Variants in ADARB1 observed in about 807,000 individuals in gnomAD.
The protein encoded by ADARB1 is adenosine deaminase RNA specific B1, also known as double-stranded RNA-specific editase 1.
Under a neutral mutation model 52.4 loss-of-function variants are expected in ADARB1, and 10 were observed. The observed-to-expected ratio is 0.19, with a 90% CI of 0.12 to 0.32. ADARB1 has a LOEUF of 0.32. Among genes scored for constraint, ADARB1 ranks in the 10% least tolerant of loss-of-function variants. The pLI is 1.00. For missense variants in ADARB1, 643 were observed against 922.3 expected (o/e 0.70, Z 3.92); for synonymous variants, 349 against 371.1 (o/e 0.94, Z 0.68).
At chr21:45,088,759 AG>A (rs1568996423) in intron 1 of ADARB1, among the ~76,000 whole-genome samples, 2 of 152,236 alleles carry the variant, frequency 1.3e-5, no homozygotes, top group Admixed American at 6.5e-5. Context: ...GGAGGAAGCC[AG>A]CAGACACCAC....
At chr21:45,107,165 A>T (rs184418745) in intron 1 of ADARB1, among the ~76,000 whole-genome samples, 123 of 152,366 alleles carry the variant, frequency 8.1e-4, no homozygotes, top group African/African-American at 2.8e-3. Context: ...AATAAATGTA[A>T]TGAGAACTGT....
chr21:45,108,908 C>G (rs958397437), intron 1 of ADARB1, among the ~76,000 whole-genome samples: 29 of 152,228 alleles, frequency 1.9e-4, no homozygotes, highest in Admixed American at 1.8e-3. Flanking sequence ...GATTGCAGCC[C>G]AGGCCAAGCC....
At chr21:45,101,261 G>T (rs1473857882) in intron 1 of ADARB1, among the ~76,000 whole-genome samples, 1 of 152,130 alleles carries the variant, frequency 6.6e-6, no homozygotes. Flanking sequence ...CTGGCTCTGC[G>T]CTCACGTGCT....
At chr21:45,195,454 A>ATGT (rs1214217284) in intron 8 of ADARB1, among the ~76,000 whole-genome samples, 12 of 152,104 alleles carry the variant, frequency 7.9e-5, no homozygotes, top group Admixed American at 7.9e-4. Flanking sequence ...TGTGCCTTTG[A>ATGT]TGTTACATCT....
At chr21:45,136,466 G>C (rs1055967625) in intron 2 of ADARB1, among the ~76,000 whole-genome samples, 1 of 152,248 alleles carries the variant, frequency 6.6e-6, no homozygotes, top group Non-Finnish European at 1.5e-5. Flanking sequence ...TTGTGAAGTG[G>C]GCTGTGGAGT....
At chr21:45,091,443 A>G (rs1275477212) in intron 1 of ADARB1, among the ~76,000 whole-genome samples, 5 of 152,216 alleles carry the variant, frequency 3.3e-5, no homozygotes, top group African/African-American at 9.7e-5. Context: ...GTTTGGTGAA[A>G]TGGCACTTTT....
chr21:45,205,886 G>A (rs1468242328), intron 9 of ADARB1, among the ~76,000 whole-genome samples: 2 of 152,140 alleles, frequency 1.3e-5, no homozygotes, highest in Non-Finnish European at 2.9e-5. Flanking sequence ...GTTTTCTAGT[G>A]CCTGGCAACT....
rs1330945093 is a variant in ADARB1, at chr21:45,221,014, G to A, written c.1926G>A (p.Lys642=). The A allele has an allele frequency of 1.2e-6, 2 of 1,604,482 alleles. No homozygotes were observed. Among genetic ancestry groups the A allele is most frequent in the African/African-American group, 1.3e-5 (1 of 74,842 alleles). Residue 642 remains lysine, a splice_region_variant and synonymous_variant, in exon 10 of 11, where the codon AAG becomes AAA. Transcript: ENST00000348831. This position sits in a 1 kb window ranked among gnomAD's most constrained non-coding sequence, Gnocchi z 4.9. The stretch of plus-strand genomic sequence containing the variant: ...GTCGCTGGATGCGTGTGCACGGCAA[G>A]GTACTGAGGCGCCCTCACCGCAATG... The part of the protein sequence containing the change: ...LYCRWMRVHG[K]VPSHLLRSKI...
intron 1 of ADARB1, among the ~76,000 whole-genome samples, chr21:45,117,905 C>T (rs939695168): frequency 6.6e-6 from 1 of 152,084 alleles, no homozygotes; most frequent in Non-Finnish European, 1.5e-5. Context: ...TTGTAGTCAC[C>T]ATTATAGCTT....
At chr21:45,118,446 A>G (rs373235372) in intron 1 of ADARB1, 11 of 152,318 alleles carry the variant, frequency 7.2e-5, no homozygotes, top group African/African-American at 2.6e-4. Context: ...TTTGCACGTA[A>G]TGTTCAAACA....
At chr21:45,101,656 C>G (rs977029460) in intron 1 of ADARB1, among the ~76,000 whole-genome samples, 2 of 152,150 alleles carry the variant, frequency 1.3e-5, no homozygotes, top group Non-Finnish European at 2.9e-5. Flanking sequence ...ACTTCACCAT[C>G]GTAGAGCTTT....
chr21:45,215,685 A>G (rs543636975), intron 9 of ADARB1, among the ~76,000 whole-genome samples: 1 of 152,308 alleles, frequency 6.6e-6, no homozygotes, highest in East Asian at 1.9e-4. Context: ...CCAACTTTGC[A>G]TCTTGGGATA....
At position 45,183,363 on chromosome 21, in the gene ADARB1, A is replaced by G. The variant is rs1184741174; in HGVS notation, c.1249A>G (p.Asn417Asp). 9 of 1,597,292 alleles carry G rather than the reference A, an allele frequency of 5.6e-6. No individual in the cohort carries two copies. The highest frequency in any genetic ancestry group is 6.8e-6 in the Non-Finnish European group (8 of 1,175,486). The part of the protein sequence containing the change: ...LYTQLELYLN[N>D]KDDQKRSIFQ... Reference sequence around the variant, plus strand: ...CTTTTGCAACTTTTTTCCTTTCAGTAACAAAGATGATCAAAAAAGATCCAT... The same window carrying G: ...CTTTTGCAACTTTTTTCCTTTCAGTGACAAAGATGATCAAAAAAGATCCAT... Residue 417 changes from asparagine to aspartate, a missense_variant and splice_region_variant, in exon 7 of 11, where the codon AAC (asparagine) becomes GAC (aspartate). Coordinates refer to ENST00000348831, the MANE Select transcript of ADARB1 (RefSeq NM_001112.4).
intron 1 of ADARB1, among the ~76,000 whole-genome samples, chr21:45,120,593 C>T (rs1056937346): frequency 9.9e-5 from 15 of 152,166 alleles, no homozygotes; most frequent in African/African-American, 3.4e-4. Context: ...GGCCTTATCA[C>T]GGACACACTA....
chr21:45,175,273 A>G (rs938781910), intron 3 of ADARB1, among the ~76,000 whole-genome samples: 2 of 152,206 alleles, frequency 1.3e-5, no homozygotes, highest in Non-Finnish European at 2.9e-5. Flanking sequence ...CTTAGATAGC[A>G]TGAGGGTAAA....
chr21:45,161,117 G>A (rs1427079766), intron 2 of ADARB1, among the ~76,000 whole-genome samples: 1 of 152,194 alleles, frequency 6.6e-6, no homozygotes, highest in Non-Finnish European at 1.5e-5. Flanking sequence ...GATGGCAGCT[G>A]CAGCCTGTCT....
intron 1 of ADARB1, among the ~76,000 whole-genome samples, chr21:45,081,994 T>C (rs1378083441): frequency 2.0e-5 from 3 of 152,044 alleles, no homozygotes; most frequent in African/African-American, 7.2e-5. Context: ...GGGGCAGAGG[T>C]GGCAGAACTG....
intron 5 of ADARB1, among the ~76,000 whole-genome samples, chr21:45,180,705 G>C (rs190896905): frequency 5.3e-5 from 8 of 152,306 alleles, no homozygotes; most frequent in Admixed American, 5.2e-4. Context: ...TTCATCCTGT[G>C]AATGGCCTCA....
At chr21:45,113,099 G>A (rs1423270754) in intron 1 of ADARB1, among the ~76,000 whole-genome samples, 2 of 152,222 alleles carry the variant, frequency 1.3e-5, no homozygotes, top group East Asian at 3.9e-4. Flanking sequence ...GGGATATTTT[G>A]GGGACTAAAA....
Sources: gnomAD v4.1 joint callset for allele counts (sites outside exome capture counted in the v4.1 genomes callset) on GRCh38, gnomAD v4.1.1 for gene constraint, Gnocchi (gnomAD v3.1) non-coding constraint, MANE v1.5 for transcripts, NCBI Gene and HGNC (gene_info 2026-07-23, HGNC 2026-07-21) for gene names.